XPO7: variants seen among roughly 807,000 people sequenced by gnomAD.
The protein encoded by XPO7 is exportin-7.
Under a neutral mutation model 144.3 loss-of-function variants are expected in XPO7, and 21 were observed. That is an observed-to-expected ratio of 0.15 (90% CI 0.10 to 0.21). The LOEUF is 0.21. Among genes scored for constraint, XPO7 ranks in the 10% least tolerant of loss-of-function variants. The pLI is 1.00. For missense variants in XPO7, 808 were observed against 1,325.8 expected, an observed-to-expected ratio of 0.61 and a Z score of 6.06; for synonymous variants, 580 against 499.6, an observed-to-expected ratio of 1.16 and a Z score of -2.15.
At chr8:21,941,767 C>G (rs1563314261) in intron 1 of XPO7, among the ~76,000 whole-genome samples, 1 of 152,194 alleles carries the variant, frequency 6.6e-6, no homozygotes, top group African/African-American at 2.4e-5. Context: ...ACTCTATTTT[C>G]TAGGCTTAAG....
intron 1 of XPO7, among the ~76,000 whole-genome samples, chr8:21,950,687 ATATAG>A (rs1406712820): frequency 6.6e-6 from 1 of 152,198 alleles, no homozygotes; most frequent in Non-Finnish European, 1.5e-5. Flanking sequence ...AATTAAAAAC[ATATAG>A]TATATACATA....
In XPO7 at chr8:21,982,626, C is replaced by G. The variant is rs768248146; in HGVS notation, c.1105-14C>G. On this transcript the variant is annotated splice_polypyrimidine_tract_variant and intron_variant, in intron 10 of 27. Coordinates refer to ENST00000252512, the MANE Select transcript of XPO7 (RefSeq NM_015024.5). ...AATGAAAAATATGCCTTCTGCTTTT[C>G]TACTTTTCTTTAGCACTGGGAATTT... The G allele has an allele frequency of 6.4e-7, 1 of 1,566,366 alleles. No individual in the cohort carries two copies. The highest frequency in any genetic ancestry group is 8.6e-7 in the Non-Finnish European group (1 of 1,158,256).
chr8:21,961,955 G>A (rs989275427), intron 1 of XPO7, among the ~76,000 whole-genome samples: 4 of 152,194 alleles, frequency 2.6e-5, no homozygotes, highest in Admixed American at 1.3e-4. Flanking sequence ...GAGCCACCAC[G>A]CCCTGCCTCA....
chr8:21,966,890 C>T lies in XPO7; in HGVS notation c.52C>T (p.Leu18=). Residue 18 remains leucine, a synonymous_variant, in exon 2 of 28, where the codon CTG becomes TTG. Transcript: ENST00000252512. ...LAQLENLCKQ[L]YETTDTTTRL... ...CCAACTAGAGAATCTGTGCAAACAG[C>T]TGTATGAAACCACAGACACAACCAC... 1 of 1,613,854 alleles carries T rather than the reference C, an allele frequency of 6.2e-7. No homozygotes were observed. Among genetic ancestry groups the T allele is most frequent in the Non-Finnish European group, 8.5e-7 (1 of 1,179,816 alleles).
At chr8:21,948,623 T>C (rs1434997553) in intron 1 of XPO7, among the ~76,000 whole-genome samples, 1 of 152,216 alleles carries the variant, frequency 6.6e-6, no homozygotes, top group Non-Finnish European at 1.5e-5. Context: ...TTTTTACAGG[T>C]CAAAAATATT....
chr8:21,972,064 C>T (rs1812080264), intron 5 of XPO7, 123 bp downstream of exon 5: 9 of 844,266 alleles, frequency 1.1e-5, no homozygotes, highest in Non-Finnish European at 7.7e-6. Flanking sequence ...GTGATTAATG[C>T]CCTTTTGAAA....
chr8:21,995,210 T>C (rs1812907041), intron 20 of XPO7, among the ~76,000 whole-genome samples: 2 of 152,090 alleles, frequency 1.3e-5, no homozygotes, highest in Non-Finnish European at 2.9e-5. Flanking sequence ...TATAATACCA[T>C]AGAAGTGATG....
chr8:22,003,764 A>G, intron 26 of XPO7, 139 bp from the exon 27 acceptor site: 1 of 1,276,784 alleles, frequency 7.8e-7, no homozygotes, highest in Non-Finnish European at 1.1e-6. Context: ...GCTTGCCTGA[A>G]TTTCTTTTTT....
At chr8:21,967,334 A>G (rs921979689) in intron 2 of XPO7, among the ~76,000 whole-genome samples, 3 of 151,964 alleles carry the variant, frequency 2.0e-5, no homozygotes, top group Admixed American at 2.0e-4. Context: ...GTGTTTGTTT[A>G]TTTATTTATT....
intron 24 of XPO7, among the ~76,000 whole-genome samples, chr8:22,000,390 G>GT (rs1440671365): frequency 6.6e-6 from 1 of 151,474 alleles, no homozygotes. Flanking sequence ...AGCTCCATAA[G>GT]TTTTTTCATC....
At chr8:21,998,121 G>C (rs1033045586) in intron 21 of XPO7, among the ~76,000 whole-genome samples, 1 of 152,208 alleles carries the variant, frequency 6.6e-6, no homozygotes, top group Non-Finnish European at 1.5e-5. Flanking sequence ...CTCTGCATTA[G>C]TATCAAGAGG....
chr8:21,937,749 G>A (rs1810866875), intron 1 of XPO7, among the ~76,000 whole-genome samples: 1 of 152,108 alleles, frequency 6.6e-6, no homozygotes, highest in African/African-American at 2.4e-5. Context: ...CCGATTCTTG[G>A]TATCTTTGTT....
chr8:22,002,162 T>C lies in XPO7; in HGVS notation c.2833T>C (p.Tyr945His). 6.2e-7 allele frequency: 1 copy of C among 1,612,714 alleles called. No individual in the cohort carries two copies. Among genetic ancestry groups the C allele is most frequent in the Non-Finnish European group, 8.5e-7 (1 of 1,179,442 alleles). ...CTCCTGCCTGGACCACATTGTGACA[T>C]ACCTCTTCAAGCAGCTGTCACGTAG... ...CCSCLDHIVT[Y>H]LFKQLSRSTK... The change falls in exon 25 of 28, where the codon TAC becomes CAC. Residue 945 changes from tyrosine (Y) to histidine (H), a missense_variant. Coordinates refer to ENST00000252512, the MANE Select transcript of XPO7 (RefSeq NM_015024.5).
intron 1 of XPO7, among the ~76,000 whole-genome samples, chr8:21,927,987 T>C (rs952016572): frequency 1.3e-5 from 2 of 152,224 alleles, no homozygotes; most frequent in African/African-American, 4.8e-5. Context: ...TACTAAAATT[T>C]TATTCGTACA....
chr8:21,998,721 TCTGA>T (rs745851751), intron 21 of XPO7, 30 bp from the exon 22 acceptor site: 7 of 1,600,632 alleles, frequency 4.4e-6, no homozygotes, highest in South Asian at 3.3e-5. Flanking sequence ...AGAAAACACC[TCTGA>T]CTTTTTCTCC....
intron 9 of XPO7, among the ~76,000 whole-genome samples, chr8:21,980,559 G>A (rs1435422348): frequency 1.3e-5 from 2 of 152,096 alleles, no homozygotes; most frequent in African/African-American, 4.8e-5. Context: ...ATCACTTGAG[G>A]TCAGGAGCTC....
chr8:21,996,782 T>C (rs1048615009), intron 21 of XPO7, among the ~76,000 whole-genome samples: 20 of 152,174 alleles, frequency 1.3e-4, no homozygotes, highest in African/African-American at 4.8e-4. Flanking sequence ...TAAGGTTTTT[T>C]TTCTTTATTT....
Position 21,984,587 on chromosome 8 carries a change from T to C in XPO7, c.1278-59T>C. 1.4e-6 allele frequency: 2 copies of C among 1,467,330 alleles called. 1 individual carries two copies. The highest frequency in any genetic ancestry group is 4.9e-5 in the East Asian group (2 of 40,880). The allele number at this position is 1,467,330 out of a possible 1,614,324, so 90.9% of individuals were successfully genotyped here. A position where few individuals can be genotyped will look rare whatever the true frequency, so the allele number is the denominator to read the frequency against. ...GTGAAGAAGTCAGAGAGCTGCTATATTGGGCAAATCAGTAGTCATATTTTA... is the reference window on the plus strand; with the variant it reads ...GTGAAGAAGTCAGAGAGCTGCTATACTGGGCAAATCAGTAGTCATATTTTA... On this transcript the variant is annotated intron_variant, in intron 11 of 27. Transcript: ENST00000252512.
In XPO7 at chr8:21,982,620, G is replaced by T; in HGVS notation, c.1105-20G>T. On this transcript the variant is annotated intron_variant, in intron 10 of 27. Transcript: ENST00000252512. ...TACAGAAATGAAAAATATGCCTTCTGCTTTTCTACTTTTCTTTAGCACTGG... is the reference window on the plus strand; with the variant it reads ...TACAGAAATGAAAAATATGCCTTCTTCTTTTCTACTTTTCTTTAGCACTGG... 1 of 1,561,780 alleles carries T rather than the reference G, an allele frequency of 6.4e-7. No individual in the cohort carries two copies. Among genetic ancestry groups the T allele is most frequent in the Admixed American group, 2.0e-5 (1 of 50,408 alleles).
Sources: gnomAD v4.1 joint callset for allele counts (sites outside exome capture counted in the v4.1 genomes callset) on GRCh38, gnomAD v4.1.1 for gene constraint, MANE v1.5 for transcripts, NCBI Gene and HGNC (gene_info 2026-07-23, HGNC 2026-07-21) for gene names.